The following KIRREL3 variants were observed in gnomAD, a reference collection of about 807,000 sequenced individuals.
The protein encoded by KIRREL3 is kin of IRRE-like protein 3.
Under a neutral mutation model 89.7 loss-of-function variants are expected in KIRREL3, and 36 were observed. The observed-to-expected ratio is 0.40, with a 90% CI of 0.31 to 0.53. The LOEUF (loss-of-function observed/expected upper bound fraction) is 0.53, where lower values mean the gene tolerates loss of function less well. Among genes scored for constraint, KIRREL3 ranks in the 20% least tolerant of loss-of-function variants. The pLI is 0.49. For missense variants in KIRREL3, 864 were observed against 1,056.6 expected (o/e 0.82, Z 2.53); for synonymous variants, 445 against 441.4 (o/e 1.01, Z -0.10).
intron 1 of KIRREL3, among the ~76,000 whole-genome samples, chr11:126,951,296 G>A (rs755504072): frequency 1.3e-5 from 2 of 152,196 alleles, no homozygotes; most frequent in South Asian, 2.1e-4. Flanking sequence ...GAGTACATCC[G>A]TTGAGATGCT....
chr11:126,647,888 G>A lies in KIRREL3; in HGVS notation c.56-84976C>T, dbSNP rs1318231350. On this transcript the variant is annotated intron_variant, in intron 1 of 16. Coordinates refer to ENST00000525144, the MANE Select transcript of KIRREL3 (RefSeq NM_032531.4). The surrounding 1 kb of genome is among the most constrained non-coding windows in gnomAD (Gnocchi z 4.9). ...TCCATGACTCATGGTGCTCTCCGGG[G>A]TCTGGCCTCGTTGTTACACTTTGAC... Among the ~76,000 whole-genome samples, 1 of 152,180 alleles carries A rather than the reference G, an allele frequency of 6.6e-6. No individual in the cohort carries two copies. The highest frequency in any genetic ancestry group is 1.5e-5 in the Non-Finnish European group (1 of 68,036).
Position 126,923,196 on chromosome 11 carries a change from T to TTTTCTTCTTCTTC in KIRREL3, c.55+77258_55+77259insGAAGAAGAAGAAA, listed in dbSNP as rs1947472725. ...TTCTTCTCTTCTTCTTCTCTTCTTC[T>TTTTCTTCTTCTTC]TCTTCTTCTTCTTCTTCTTCTTCTT... On this transcript the variant is annotated intron_variant, in intron 1 of 16. Coordinates refer to ENST00000525144, the MANE Select transcript of KIRREL3 (RefSeq NM_032531.4). Among the ~76,000 whole-genome samples the TTTTCTTCTTCTTC allele has an allele frequency of 2.1e-3, 20 of 9,342 alleles. 6 individuals carry two copies. The highest frequency in any genetic ancestry group is 1.9e-3 in the Non-Finnish European group (11 of 5,732). The allele number at this position is 9,342 out of a possible 152,430, so 6.1% of individuals were successfully genotyped here. A position where few individuals can be genotyped will look rare whatever the true frequency, so the allele number is the denominator to read the frequency against.
rs570436432 is a variant in KIRREL3 at position 126,984,059 on chromosome 11, C to T, written c.55+16396G>A. Among the ~76,000 whole-genome samples the T allele has an allele frequency of 3.3e-4, 50 of 152,206 alleles. No homozygotes were observed. In the Middle Eastern group the frequency reaches 0.01, roughly 31 times the overall value. ...GCCCCACTGAGAAAACTTGCACGCC[C>T]AGAAAGCCACATGGCACCTTGTCTT... On this transcript the variant is annotated intron_variant, in intron 1 of 16. Coordinates refer to ENST00000525144, the MANE Select transcript of KIRREL3 (RefSeq NM_032531.4).
At chr11:126,939,320 T>C (rs1948339087) in intron 1 of KIRREL3, among the ~76,000 whole-genome samples, 1 of 152,208 alleles carries the variant, frequency 6.6e-6, no homozygotes, top group South Asian at 2.1e-4. Context: ...TAGTTTGTCT[T>C]TCTGGATGCT....
intron 1 of KIRREL3, among the ~76,000 whole-genome samples, chr11:126,960,566 T>C (rs767362399): frequency 4.6e-5 from 7 of 152,120 alleles, no homozygotes; most frequent in Non-Finnish European, 8.8e-5. Context: ...CAACTAGTAG[T>C]CCAGAGACAA....
rs528419656 is a variant in KIRREL3 at position 126,537,459 on chromosome 11, T to C, written c.134-10772A>G. Among the ~76,000 whole-genome samples the C allele has an allele frequency of 1.3e-5, 2 of 152,208 alleles. No homozygotes were observed. Among genetic ancestry groups the C allele is most frequent in the Middle Eastern group, 6.8e-3 (2 of 294 alleles). On this transcript the variant is annotated intron_variant, in intron 2 of 16. Coordinates refer to ENST00000525144, the MANE Select transcript of KIRREL3 (RefSeq NM_032531.4). This position sits in a 1 kb window ranked among gnomAD's most constrained non-coding sequence, Gnocchi z 4.3. Reference sequence around the variant, plus strand: ...AGAAGGCATCCTGGAGGAGGAATCATAATATGGGGAAAGTAATGGAGGAGA... The same window carrying C: ...AGAAGGCATCCTGGAGGAGGAATCACAATATGGGGAAAGTAATGGAGGAGA...
chr11:126,626,664 G>T (rs1177531428), intron 1 of KIRREL3, among the ~76,000 whole-genome samples: 1 of 152,208 alleles, frequency 6.6e-6, no homozygotes, highest in Admixed American at 6.5e-5. Context: ...CTCCACCGGT[G>T]CCTATCAGCC....
intron 1 of KIRREL3, among the ~76,000 whole-genome samples, chr11:126,864,910 G>A (rs1440933432): frequency 6.6e-6 from 1 of 152,082 alleles, no homozygotes; most frequent in Non-Finnish European, 1.5e-5. Context: ...TCACCTGCCT[G>A]TTTTCCTACT....
chr11:126,917,611 T>G lies in KIRREL3; in HGVS notation c.55+82844A>C, dbSNP rs558862589. ...TGTAGGCTGTGTGGGGAGTGAGTAA[T>G]GATCACCTGGTGCAATCTGGTTTCT... On this transcript the variant is annotated intron_variant, in intron 1 of 16. Transcript: ENST00000525144. The surrounding 1 kb of genome is among the most constrained non-coding windows in gnomAD (Gnocchi z 5.0). Among the ~76,000 whole-genome samples, 2 of 152,284 alleles carry G rather than the reference T, an allele frequency of 1.3e-5. No homozygotes were observed. Among genetic ancestry groups the G allele is most frequent in the South Asian group, 4.2e-4 (2 of 4,818 alleles).
Position 126,574,729 on chromosome 11 carries a change from G to A in KIRREL3, c.56-11817C>T, listed in dbSNP as rs747591672. Among the ~76,000 whole-genome samples the A allele has an allele frequency of 5.9e-5, 9 of 152,146 alleles. No homozygotes were observed. Among genetic ancestry groups the A allele is most frequent in the Non-Finnish European group, 8.8e-5 (6 of 68,034 alleles). ...GGGAAGGAATTCCAGACTTGAGATG[G>A]CTCCTTAGACTTAAATCTCCCTTGA... On this transcript the variant is annotated intron_variant, in intron 1 of 16. Coordinates refer to ENST00000525144, the MANE Select transcript of KIRREL3 (RefSeq NM_032531.4). This position sits in a 1 kb window ranked among gnomAD's most constrained non-coding sequence, Gnocchi z 5.3.
Position 126,564,472 on chromosome 11 carries a change from T to C in KIRREL3, c.56-1560A>G, listed in dbSNP as rs1203968788. Among the ~76,000 whole-genome samples the C allele has an allele frequency of 6.6e-6, 1 of 151,668 alleles. No individual in the cohort carries two copies. Among genetic ancestry groups the C allele is most frequent in the Non-Finnish European group, 1.5e-5 (1 of 67,928 alleles). On this transcript the variant is annotated intron_variant, in intron 1 of 16. Transcript: ENST00000525144. This position sits in a 1 kb window ranked among gnomAD's most constrained non-coding sequence, Gnocchi z 7.4. ...TTGATCTCCTGATTCTTTAAAGGGG[T>C]TTATTGACTATCAGTAAAGAGCAGA... is the stretch of plus-strand genomic sequence containing the variant.
intron 1 of KIRREL3, among the ~76,000 whole-genome samples, chr11:126,735,484 C>T (rs552108049): frequency 2.6e-5 from 4 of 152,230 alleles, no homozygotes; most frequent in East Asian, 1.9e-4. Context: ...CTGTAACTGG[C>T]GACAGATCAA....
chr11:126,521,171 A>T lies in KIRREL3; in HGVS notation c.433+144T>A. The T allele has an allele frequency of 1.2e-6, 1 of 846,868 alleles. No individual in the cohort carries two copies. The highest frequency in any genetic ancestry group is 1.7e-6 in the Non-Finnish European group (1 of 601,398). 52.5% of individuals were successfully genotyped at this position (846,868 alleles called of 1,614,324 possible). A position where few individuals can be genotyped will look rare whatever the true frequency, so the allele number is the denominator to read the frequency against. ...TTTGGGTGGGAAGGTGGGCATGGAT[A>T]TTGTGGAAGCAGCAGTGTCTGGAGC... On this transcript the variant is annotated intron_variant, in intron 4 of 16. Coordinates refer to ENST00000525144, the MANE Select transcript of KIRREL3 (RefSeq NM_032531.4). The surrounding 1 kb of genome is among the most constrained non-coding windows in gnomAD (Gnocchi z 4.1).
intron 1 of KIRREL3, among the ~76,000 whole-genome samples, chr11:126,893,622 G>A (rs11220651): frequency 0.073 from 11,149 of 152,234 alleles, 1,346 homozygotes; most frequent in African/African-American, 0.25. Context: ...CCGGGTTACC[G>A]TGAGCTGATC....
At chr11:126,777,104 G>T (rs988058685) in intron 1 of KIRREL3, among the ~76,000 whole-genome samples, 1 of 152,184 alleles carries the variant, frequency 6.6e-6, no homozygotes, top group African/African-American at 2.4e-5. Flanking sequence ...CACCAAACTG[G>T]ACCCATCTTG....
intron 1 of KIRREL3, among the ~76,000 whole-genome samples, chr11:126,929,839 GCT>G (rs974198608): frequency 1.3e-5 from 2 of 152,080 alleles, no homozygotes; most frequent in Non-Finnish European, 2.9e-5. Context: ...GCTCCTCTGC[GCT>G]CTCTTTCCAC....
At chr11:126,821,499 G>A (rs1167040860) in intron 1 of KIRREL3, among the ~76,000 whole-genome samples, 1 of 151,166 alleles carries the variant, frequency 6.6e-6, no homozygotes, top group East Asian at 1.9e-4. Flanking sequence ...TAACTATTAG[G>A]GTCCCCAGCT....
At position 126,916,363 on chromosome 11, in the gene KIRREL3, G is replaced by C. The variant is rs369221053; in HGVS notation, c.55+84092C>G. The stretch of plus-strand genomic sequence containing the variant: ...CAAATTGCTGAGCCCCATCCTCAAA[G>C]TGTCACTTCTGTAGGCCAAGGGTGG... On this transcript the variant is annotated intron_variant, in intron 1 of 16. Transcript: ENST00000525144. Among the ~76,000 whole-genome samples the C allele has an allele frequency of 3.6e-4, 55 of 152,280 alleles. No homozygotes were observed. In the South Asian group the frequency reaches 0.011, roughly 32 times the overall value.
In KIRREL3 at chr11:126,499,580, C is replaced by A. The variant is rs1205631906; in HGVS notation, c.433+21735G>T. On this transcript the variant is annotated intron_variant, in intron 4 of 16. Coordinates refer to ENST00000525144, the MANE Select transcript of KIRREL3 (RefSeq NM_032531.4). The stretch of plus-strand genomic sequence containing the variant: ...ACTGAGCCCCAACCTGTTGACTGGG[C>A]TGACATCCGACTACACTTGCTCAAG... Among the ~76,000 whole-genome samples, 3 of 152,238 alleles carry A rather than the reference C, an allele frequency of 2.0e-5. No homozygotes were observed. In the East Asian group the frequency reaches 5.8e-4, roughly 29 times the overall value.
Sources: allele counts gnomAD v4.1 joint callset (sites outside exome capture counted in the v4.1 genomes callset), GRCh38; gene constraint gnomAD v4.1.1; non-coding constraint Gnocchi (gnomAD v3.1); transcripts MANE v1.5; gene names NCBI Gene and HGNC (gene_info 2026-07-23, HGNC 2026-07-21).